Variants in AKT3 observed in about 807,000 individuals in gnomAD.
The protein encoded by AKT3 is AKT serine/threonine kinase 3.
AKT3 carries 15 observed loss-of-function variants against 65.3 expected under a neutral mutation model. The ratio of observed to expected loss-of-function variants is 0.23; its 90% CI spans 0.15 to 0.35. The LOEUF is 0.35. Ranked by LOEUF, AKT3 falls within the 10% of genes least tolerant of loss-of-function variation. The pLI, the probability that AKT3 is intolerant of heterozygous loss-of-function variation, is 1.00. For synonymous variants in AKT3, 206 were observed against 183.8 expected (o/e 1.12, Z -0.98); for missense variants, 243 against 576.5 (o/e 0.42, Z 5.92).
At chr1:243,658,971 A>T (rs1682046133) in intron 4 of AKT3, among the ~76,000 whole-genome samples, 1 of 152,016 alleles carries the variant, frequency 6.6e-6, no homozygotes, top group Admixed American at 6.6e-5. Flanking sequence ...TCCAGGCTGC[A>T]GTAAGCCATG....
intron 12 of AKT3, among the ~76,000 whole-genome samples, chr1:243,534,980 A>G (rs1671796013): frequency 6.6e-6 from 1 of 151,844 alleles, no homozygotes; most frequent in African/African-American, 2.4e-5. Context: ...TTAAAATTAG[A>G]GCGGAAATCA....
chr1:243,675,268 C>T (rs1413359900), intron 3 of AKT3, among the ~76,000 whole-genome samples: 1 of 152,184 alleles, frequency 6.6e-6, no homozygotes, highest in Non-Finnish European at 1.5e-5. Flanking sequence ...GGCACAATCT[C>T]GGCTCACTGC....
intron 2 of AKT3, among the ~76,000 whole-genome samples, chr1:243,708,336 T>G (rs1348053570): frequency 6.6e-6 from 1 of 152,026 alleles, no homozygotes; most frequent in African/African-American, 2.4e-5. Context: ...AGCTTATAGA[T>G]AATATAAATA....
At chr1:243,601,779 A>C (rs1677022601) in intron 8 of AKT3, among the ~76,000 whole-genome samples, 1 of 152,212 alleles carries the variant, frequency 6.6e-6, no homozygotes, top group Admixed American at 6.5e-5. Context: ...TTTTAAAAGT[A>C]TTATGCTAAG....
chr1:243,723,088 G>T (rs960770361), intron 2 of AKT3, among the ~76,000 whole-genome samples: 1 of 152,072 alleles, frequency 6.6e-6, no homozygotes, highest in South Asian at 2.1e-4. Context: ...CTCACACCAG[G>T]CCCTTTATCT....
At chr1:243,783,281 TAGAAATGG>T (rs1392426574) in intron 2 of AKT3, among the ~76,000 whole-genome samples, 17 of 152,198 alleles carry the variant, frequency 1.1e-4, no homozygotes, top group Non-Finnish European at 2.2e-4. Context: ...AAAGAGGAGC[TAGAAATGG>T]AGTTGATCAT....
At chr1:243,514,942 T>C (rs963849634) in intron 12 of AKT3, among the ~76,000 whole-genome samples, 4 of 152,234 alleles carry the variant, frequency 2.6e-5, no homozygotes, top group African/African-American at 9.6e-5. Flanking sequence ...TGTCTTCTTG[T>C]GCCCATGTGT....
intron 6 of AKT3, among the ~76,000 whole-genome samples, chr1:243,626,544 G>A (rs74153926): frequency 6.6e-6 from 1 of 152,124 alleles, no homozygotes; most frequent in African/African-American, 2.4e-5. Context: ...AATTAATCAG[G>A]ATGAGGACTG....
At chr1:243,523,120 G>T (rs1304804110) in intron 12 of AKT3, among the ~76,000 whole-genome samples, 1 of 152,144 alleles carries the variant, frequency 6.6e-6, no homozygotes, top group Admixed American at 6.6e-5. Context: ...GAAGCTATTG[G>T]AGAAAAGAAC....
rs537937947 is a variant in AKT3 at position 243,731,111 on chromosome 1, G to A, written c.47-35395C>T. On this transcript the variant is annotated intron_variant, in intron 2 of 13. Coordinates refer to ENST00000673466, the MANE Select transcript of AKT3 (RefSeq NM_005465.7). Reference sequence around the variant, plus strand: ...AGGCCACAATGGTTCCCGGCTGGCAGAGTGACACCTGAAGGATCCCGTGAC... The same window carrying A: ...AGGCCACAATGGTTCCCGGCTGGCAAAGTGACACCTGAAGGATCCCGTGAC... 7.2e-5 allele frequency among the ~76,000 whole-genome samples: 11 copies of A among 152,350 alleles called. No individual in the cohort carries two copies. The East Asian group carries it at 1.9e-3, about 27-fold the overall frequency.
intron 6 of AKT3, among the ~76,000 whole-genome samples, chr1:243,620,695 T>G (rs545120211): frequency 6.6e-6 from 1 of 152,280 alleles, no homozygotes; most frequent in South Asian, 2.1e-4. Context: ...TTCCTTTTTT[T>G]GAAGATTTCT....
chr1:243,613,983 T>A (rs752237327), intron 7 of AKT3, among the ~76,000 whole-genome samples: 16 of 152,206 alleles, frequency 1.1e-4, no homozygotes, highest in Non-Finnish European at 1.9e-4. Context: ...AAAAGTAAAC[T>A]TAATTGCAAC....
At chr1:243,689,697 A>G (rs1446072743) in intron 3 of AKT3, among the ~76,000 whole-genome samples, 3 of 152,054 alleles carry the variant, frequency 2.0e-5, no homozygotes, top group African/African-American at 7.2e-5. Flanking sequence ...GCTCATGCCT[A>G]TAATTCTAGC....
intron 8 of AKT3, among the ~76,000 whole-genome samples, chr1:243,578,490 A>T (rs574454666): frequency 1.3e-5 from 2 of 152,290 alleles, no homozygotes; most frequent in East Asian, 3.9e-4. Context: ...CAATGAGAAT[A>T]CATGGGCACA....
intron 4 of AKT3, among the ~76,000 whole-genome samples, chr1:243,647,178 C>T (rs1403245919): frequency 2.0e-5 from 3 of 152,160 alleles, no homozygotes; most frequent in Non-Finnish European, 2.9e-5. Flanking sequence ...TGAATTTATT[C>T]CTACATACAA....
chr1:243,589,176 G>T (rs954683069), intron 8 of AKT3, among the ~76,000 whole-genome samples: 2 of 151,598 alleles, frequency 1.3e-5, no homozygotes, highest in East Asian at 3.9e-4. Context: ...CGTGGTGGCA[G>T]GCACCTGTAA....
intron 6 of AKT3, chr1:243,625,191 G>A (rs1217949931): frequency 6.7e-6 from 1 of 148,690 alleles, no homozygotes; most frequent in Non-Finnish European, 1.4e-5. Flanking sequence ...GAGTACAGTG[G>A]CATGATCTCA....
At chr1:243,684,124 G>A (rs1684111860) in intron 3 of AKT3, among the ~76,000 whole-genome samples, 1 of 151,526 alleles carries the variant, frequency 6.6e-6, no homozygotes, top group African/African-American at 2.4e-5. Context: ...ATCAATATAT[G>A]TTAATTGAAT....
At chr1:243,566,496 A>G (rs914335193) in intron 9 of AKT3, among the ~76,000 whole-genome samples, 2 of 152,154 alleles carry the variant, frequency 1.3e-5, no homozygotes, top group Non-Finnish European at 2.9e-5. Flanking sequence ...GAAATAAGAT[A>G]AGCCTAAGGG....
Sources: allele counts gnomAD v4.1 joint callset (sites outside exome capture counted in the v4.1 genomes callset), GRCh38; gene constraint gnomAD v4.1.1; transcripts MANE v1.5; gene names NCBI Gene and HGNC (gene_info 2026-07-23, HGNC 2026-07-21).